XPO7: variants seen among roughly 807,000 people sequenced by gnomAD.
XPO7 encodes exportin 7, also known as exportin-7.
A neutral mutation model predicts 144.3 loss-of-function variants in XPO7; 21 were observed. The observed-to-expected ratio is 0.15, with a 90% CI of 0.10 to 0.21. XPO7 has a LOEUF of 0.21. XPO7 is among the 10% of genes least tolerant of loss of function. The probability of loss-of-function intolerance (pLI) is 1.00; values close to 1 mark genes in which losing one functional copy is unlikely to be tolerated. For synonymous variants in XPO7, 580 were observed against 499.6 expected, an observed-to-expected ratio of 1.16 and a Z score of -2.15; for missense variants, 808 against 1,325.8, an observed-to-expected ratio of 0.61 and a Z score of 6.06.
intron 13 of XPO7, among the ~76,000 whole-genome samples, chr8:21,986,791 A>G (rs1159730541): frequency 6.6e-6 from 1 of 152,236 alleles, no homozygotes; most frequent in African/African-American, 2.4e-5. Context: ...ACACTCAAAT[A>G]TCAAATGACT....
At chr8:21,976,284 T>A in intron 6 of XPO7, 72 bp from the exon 7 acceptor site, 1 of 1,539,324 alleles carries the variant, frequency 6.5e-7, no homozygotes, top group Non-Finnish European at 8.8e-7. Context: ...ACTTAACAGC[T>A]TTGTTGAGTC....
chr8:21,924,982 T>C (rs1810412797), intron 1 of XPO7, among the ~76,000 whole-genome samples: 1 of 152,218 alleles, frequency 6.6e-6, no homozygotes, highest in African/African-American at 2.4e-5. Flanking sequence ...TTCCAGGGCC[T>C]TACATTGAAT....
chr8:21,960,662 C>T (rs1404556958), intron 1 of XPO7, among the ~76,000 whole-genome samples: 2 of 152,234 alleles, frequency 1.3e-5, no homozygotes, highest in African/African-American at 4.8e-5. Context: ...AGCATTATCA[C>T]TTGCTGAAAA....
intron 1 of XPO7, among the ~76,000 whole-genome samples, chr8:21,959,045 C>T (rs960356929): frequency 7.2e-5 from 11 of 151,774 alleles, no homozygotes; most frequent in African/African-American, 2.7e-4. Context: ...AAATTGTTGA[C>T]CACTCTGTCC....
intron 16 of XPO7, among the ~76,000 whole-genome samples, chr8:21,989,844 T>TGAGA (rs1812706228): frequency 1.8e-5 from 1 of 55,984 alleles, no homozygotes; most frequent in African/African-American, 1.2e-4. Flanking sequence ...TTTTTTTTTT[T>TGAGA]TTTTTTTTTT....
intron 1 of XPO7, among the ~76,000 whole-genome samples, chr8:21,925,240 TC>T (rs1810421651): frequency 6.6e-6 from 1 of 152,124 alleles, no homozygotes; most frequent in Non-Finnish European, 1.5e-5. Context: ...AAAACCTAGA[TC>T]CTAAGTATTT....
rs370463327 is a variant in XPO7 at position 21,981,809 on chromosome 8, T to C, written c.1036T>C (p.Leu346=). The change falls in exon 10 of 28, where the codon TTG becomes CTG. Residue 346 remains leucine (L), a synonymous_variant. Coordinates refer to ENST00000252512, the MANE Select transcript of XPO7 (RefSeq NM_015024.5). ...GAAGAGTAACTATCAACTGGGAGAATTGGTAAAGGTGGAAAACTACCCTGA... is the reference window on the plus strand; with the variant it reads ...GAAGAGTAACTATCAACTGGGAGAACTGGTAAAGGTGGAAAACTACCCTGA... The part of the protein sequence containing the change: ...RLKSNYQLGE[L]VKVENYPEVI... The C allele has an allele frequency of 1.6e-5, 26 of 1,613,898 alleles. No individual in the cohort carries two copies. Among genetic ancestry groups the C allele is most frequent in the East Asian group, 1.6e-4 (7 of 44,870 alleles).
At chr8:21,941,930 T>C (rs1367756859) in intron 1 of XPO7, among the ~76,000 whole-genome samples, 4 of 152,034 alleles carry the variant, frequency 2.6e-5, no homozygotes, top group Admixed American at 2.0e-4. Flanking sequence ...ACAAAATAAA[T>C]AAACTGTGAT....
chr8:21,945,409 A>G (rs574597381), intron 1 of XPO7, among the ~76,000 whole-genome samples: 1 of 152,260 alleles, frequency 6.6e-6, no homozygotes, highest in Admixed American at 6.5e-5. Context: ...ATACTGGAAC[A>G]GTTCTCCAAA....
chr8:21,968,417 CTGAA>C (rs1811952540), intron 2 of XPO7, among the ~76,000 whole-genome samples: 1 of 152,170 alleles, frequency 6.6e-6, no homozygotes, highest in South Asian at 2.1e-4. Flanking sequence ...CCCCAAATAT[CTGAA>C]TGATACAAAG....
chr8:21,976,584 G>T, intron 7 of XPO7, 63 bp downstream of exon 7: 1 of 1,488,514 alleles, frequency 6.7e-7, no homozygotes. Context: ...TCTGTAGAAT[G>T]ATCTAAAGAA....
chr8:22,002,356 T>C, intron 25 of XPO7, 84 bp downstream of exon 25: 1 of 1,476,166 alleles, frequency 6.8e-7, no homozygotes, highest in Non-Finnish European at 9.1e-7. Context: ...CCACACACGA[T>C]TAACATGACA....
rs1283566374 is a variant in XPO7, at chr8:21,999,323, T to C, written c.2643+18T>C. ...ATCTCTTGGTAAGCCTTACGCTGCA[T>C]TGCCACAATCTTGTTCCTCATCACA... On this transcript the variant is annotated intron_variant, in intron 23 of 27. Transcript: ENST00000252512. The C allele has an allele frequency of 3.1e-6, 5 of 1,611,772 alleles. No homozygotes were observed. The African/African-American group carries it at 4.0e-5, about 13-fold the overall frequency.
At chr8:21,945,425 C>G (rs906150098) in intron 1 of XPO7, among the ~76,000 whole-genome samples, 3 of 152,116 alleles carry the variant, frequency 2.0e-5, no homozygotes, top group Non-Finnish European at 4.4e-5. Flanking sequence ...CCAAATCTGA[C>G]AAGATAAAAT....
rs182298586 is a variant in XPO7, at chr8:21,944,718, C to A, written c.19-22139C>A. ...GAAGGTCAGCAGATAAACATGTGAA[C>A]AAAGGTCTCCGGTTTTCCTAGGCCC... On this transcript the variant is annotated intron_variant, in intron 1 of 27. Coordinates refer to ENST00000252512, the MANE Select transcript of XPO7 (RefSeq NM_015024.5). Among the ~76,000 whole-genome samples the A allele has an allele frequency of 5.7e-4, 87 of 152,178 alleles. No individual in the cohort carries two copies. The East Asian group carries it at 0.017, about 29-fold the overall frequency.
intron 1 of XPO7, 23 bp from the exon 2 acceptor site, chr8:21,966,834 C>G: frequency 6.2e-7 from 1 of 1,603,572 alleles, no homozygotes; most frequent in Non-Finnish European, 8.5e-7. Flanking sequence ...GAACTGTTTT[C>G]TTTCCTGACT....
intron 1 of XPO7, among the ~76,000 whole-genome samples, chr8:21,926,505 A>G (rs1042578757): frequency 6.6e-6 from 1 of 152,122 alleles, no homozygotes; most frequent in African/African-American, 2.4e-5. Flanking sequence ...ATTGTTTGCA[A>G]AGTTTTGAAA....
At chr8:21,961,609 C>T (rs1811728225) in intron 1 of XPO7, among the ~76,000 whole-genome samples, 1 of 152,062 alleles carries the variant, frequency 6.6e-6, no homozygotes, top group African/African-American at 2.4e-5. Flanking sequence ...GTTCCACATG[C>T]TAACACTTGA....
rs779664861 is a variant in XPO7 at position 21,976,358 on chromosome 8, T to C, written c.600T>C (p.Ala200=). ...FTLSCNLLKQ[A]SGKNLNLNDE... The stretch of plus-strand genomic sequence containing the variant: ...TCATTATGTGGTAATTTTTACAGGC[T>C]TCAGGAAAGAATCTAAACTTGAATG... The change falls in exon 7 of 28, where the codon GCT becomes GCC. Residue 200 remains alanine (A), a splice_region_variant and synonymous_variant. Transcript: ENST00000252512. The C allele has an allele frequency of 2.5e-6, 4 of 1,613,174 alleles. No individual in the cohort carries two copies. In the African/African-American group the frequency reaches 5.3e-5, roughly 22 times the overall value.
Sources: allele counts gnomAD v4.1 joint callset (sites outside exome capture counted in the v4.1 genomes callset), GRCh38; gene constraint gnomAD v4.1.1; transcripts MANE v1.5; gene names NCBI Gene and HGNC (gene_info 2026-07-23, HGNC 2026-07-21).